The following PITPNC1 variants were observed in gnomAD, a reference collection of about 807,000 sequenced individuals.
The protein encoded by PITPNC1 is cytoplasmic phosphatidylinositol transfer protein 1.
A neutral mutation model predicts 44.7 loss-of-function variants in PITPNC1; 18 were observed. That is an observed-to-expected ratio of 0.40 (90% confidence interval 0.28 to 0.60). The LOEUF is 0.60. PITPNC1 is among the 20% of genes least tolerant of loss of function. The pLI, the probability that PITPNC1 is intolerant of heterozygous loss-of-function variation, is 0.39. For missense variants in PITPNC1, 290 were observed against 418.4 expected (o/e 0.69, Z 2.68); for synonymous variants, 141 against 149.6 (o/e 0.94, Z 0.42).
intron 2 of PITPNC1, among the ~76,000 whole-genome samples, chr17:67,549,962 G>A (rs1009197473): frequency 1.3e-5 from 2 of 152,152 alleles, no homozygotes; most frequent in Non-Finnish European, 2.9e-5. Flanking sequence ...GCGCTAGGGT[G>A]TGGGGGCAAA....
At chr17:67,625,519 G>A (rs544329297) in intron 5 of PITPNC1, among the ~76,000 whole-genome samples, 3 of 152,250 alleles carry the variant, frequency 2.0e-5, no homozygotes, top group East Asian at 1.9e-4. Context: ...TTTGGGGCCC[G>A]GTGAAGCCAC....
chr17:67,480,565 A>G (rs1180287528), intron 1 of PITPNC1, among the ~76,000 whole-genome samples: 3 of 152,196 alleles, frequency 2.0e-5, no homozygotes, highest in Non-Finnish European at 4.4e-5. Context: ...AAATGTCAAC[A>G]TATTAAATAA....
chr17:67,552,123 G>A, intron 2 of PITPNC1, 134 bp from the exon 3 acceptor site: 2 of 641,348 alleles, frequency 3.1e-6, no homozygotes, highest in Non-Finnish European at 5.6e-6. Context: ...GAAGAGATGG[G>A]GAAAGGGCAG....
intron 1 of PITPNC1, chr17:67,524,656 C>T (rs2144114524): frequency 6.6e-6 from 1 of 151,078 alleles, no homozygotes; most frequent in East Asian, 1.9e-4. Context: ...TTTTCATTGG[C>T]AGTACTTGAT....
intron 1 of PITPNC1, among the ~76,000 whole-genome samples, chr17:67,528,855 C>G (rs756723170): frequency 6.6e-6 from 1 of 152,144 alleles, no homozygotes; most frequent in African/African-American, 2.4e-5. Context: ...TCTCCCTCCC[C>G]CAAACGAGAA....
At chr17:67,496,239 G>A (rs1196050638) in intron 1 of PITPNC1, among the ~76,000 whole-genome samples, 1 of 152,158 alleles carries the variant, frequency 6.6e-6, no homozygotes, top group Non-Finnish European at 1.5e-5. Context: ...TTCCGTGATG[G>A]AAACACTCCC....
Position 67,407,247 on chromosome 17 carries a change from T to A in PITPNC1, c.48+29045T>A, listed in dbSNP as rs374163860. Among the ~76,000 whole-genome samples the A allele has an allele frequency of 3.9e-4, 59 of 152,338 alleles. No individual in the cohort carries two copies. In the South Asian group the frequency reaches 0.012, roughly 30 times the overall value. ...ATCTCATTGTGATTTTGATTTGCATTTCCCTAATGACTAATCATGTTGGAA... is the reference window on the plus strand; with the variant it reads ...ATCTCATTGTGATTTTGATTTGCATATCCCTAATGACTAATCATGTTGGAA... On this transcript the variant is annotated intron_variant, in intron 1 of 8. Coordinates refer to ENST00000581322, the MANE Select transcript of PITPNC1 (RefSeq NM_012417.4).
intron 1 of PITPNC1, among the ~76,000 whole-genome samples, chr17:67,502,057 T>A (rs975588689): frequency 4.6e-5 from 7 of 152,172 alleles, no homozygotes; most frequent in Non-Finnish European, 7.4e-5. Flanking sequence ...ATAAATTTGT[T>A]TGGGAGGCGT....
chr17:67,594,935 T>TC (rs1443513156), intron 5 of PITPNC1, among the ~76,000 whole-genome samples: 1 of 152,202 alleles, frequency 6.6e-6, no homozygotes, highest in African/African-American at 2.4e-5. Flanking sequence ...ATTTTAGACA[T>TC]TCAGCATGTT....
intron 1 of PITPNC1, among the ~76,000 whole-genome samples, chr17:67,473,721 G>A (rs2039584486): frequency 1.3e-5 from 2 of 152,150 alleles, no homozygotes; most frequent in South Asian, 2.1e-4. Flanking sequence ...AGGCATTACA[G>A]GTGCATGCCA....
chr17:67,506,605 T>C (rs1171450684), intron 1 of PITPNC1, among the ~76,000 whole-genome samples: 6 of 152,322 alleles, frequency 3.9e-5, no homozygotes, highest in Admixed American at 6.5e-5. Context: ...TATTTTATTA[T>C]ACTAATAATA....
At chr17:67,570,227 T>C (rs950565698) in intron 4 of PITPNC1, among the ~76,000 whole-genome samples, 1 of 152,166 alleles carries the variant, frequency 6.6e-6, no homozygotes, top group South Asian at 2.1e-4. Context: ...TTTTGTTCCC[T>C]GCATGAAGTC....
chr17:67,457,918 T>C (rs1201466741), intron 1 of PITPNC1: 1 of 152,180 alleles, frequency 6.6e-6, no homozygotes, highest in Non-Finnish European at 1.5e-5. Context: ...GGAGGAAGCA[T>C]AGTTGACTGA....
intron 1 of PITPNC1, among the ~76,000 whole-genome samples, chr17:67,475,099 G>A (rs76768717): frequency 0.015 from 2,232 of 152,278 alleles, 56 homozygotes; most frequent in African/African-American, 0.051. Flanking sequence ...TGGGAATAGC[G>A]GATGGTCCTT....
intron 8 of PITPNC1, among the ~76,000 whole-genome samples, chr17:67,687,620 A>G (rs1379365484): frequency 6.6e-6 from 1 of 152,166 alleles, no homozygotes; most frequent in Non-Finnish European, 1.5e-5. Flanking sequence ...ATTTGCTTTG[A>G]AAAGCTTTCT....
intron 4 of PITPNC1, among the ~76,000 whole-genome samples, chr17:67,558,409 A>G (rs1388205288): frequency 1.3e-5 from 2 of 152,280 alleles, no homozygotes; most frequent in East Asian, 3.9e-4. Flanking sequence ...TCTGCAAAGA[A>G]AGGTGCCTGA....
At chr17:67,435,107 TC>T (rs1297856263) in intron 1 of PITPNC1, among the ~76,000 whole-genome samples, 1,135 of 62,506 alleles carry the variant, frequency 0.018, 19 homozygotes, top group Middle Eastern at 0.025. Context: ...AGACTCCATC[TC>T]AAAAAAAAAA....
intron 1 of PITPNC1, among the ~76,000 whole-genome samples, chr17:67,387,782 T>C (rs1293672994): frequency 6.6e-6 from 1 of 152,362 alleles, no homozygotes; most frequent in Middle Eastern, 3.4e-3. Flanking sequence ...TTTGTACTTA[T>C]TTTGTTTAAT....
In PITPNC1 at chr17:67,563,314, C is replaced by T. The variant is rs116416747; in HGVS notation, c.294+9697C>T. ...GCTTGTGGATAGCAGGGAACACGTT[C>T]TACATACTGTTGGAACAAGATGGCA... On this transcript the variant is annotated intron_variant, in intron 4 of 8. Transcript: ENST00000581322. Among the ~76,000 whole-genome samples, 684 of 152,258 alleles carry T rather than the reference C, an allele frequency of 4.5e-3. 6 individuals are homozygous for T. Among genetic ancestry groups the T allele is most frequent in the African/African-American group, 0.016 (645 of 41,536 alleles).
Sources: allele counts gnomAD v4.1 joint callset (sites outside exome capture counted in the v4.1 genomes callset), GRCh38; gene constraint gnomAD v4.1.1; transcripts MANE v1.5; gene names NCBI Gene and HGNC (gene_info 2026-07-23, HGNC 2026-07-21).